Variants in GRM7 observed in about 807,000 individuals in gnomAD.
GRM7 encodes metabotropic glutamate receptor 7.
A neutral mutation model predicts 84.5 loss-of-function variants in GRM7; 35 were observed. That is an observed-to-expected ratio of 0.41 (90% CI 0.32 to 0.55). The LOEUF (loss-of-function observed/expected upper bound fraction) is 0.55. Ranked by LOEUF, GRM7 falls within the 20% of genes least tolerant of loss-of-function variation. The pLI, the probability that GRM7 is intolerant of heterozygous loss-of-function variation, is 0.19. For synonymous variants in GRM7, 487 were observed against 455.1 expected (o/e 1.07, Z -0.89); for missense variants, 1,003 against 1,194.6 (o/e 0.84, Z 2.36).
chr3:7,142,069 T>C (rs141737611), intron 1 of GRM7, among the ~76,000 whole-genome samples: 473 of 152,162 alleles, frequency 3.1e-3, no homozygotes, highest in South Asian at 0.01. Flanking sequence ...TTTTGACTTA[T>C]AATGACAGTG....
At chr3:7,541,337 C>T (rs913449439) in intron 7 of GRM7, among the ~76,000 whole-genome samples, 1 of 152,016 alleles carries the variant, frequency 6.6e-6, no homozygotes. Flanking sequence ...CTAAATTCAA[C>T]TCGGGGCATG....
At chr3:6,958,172 A>T (rs1253946288) in intron 1 of GRM7, among the ~76,000 whole-genome samples, 1 of 151,842 alleles carries the variant, frequency 6.6e-6, no homozygotes, top group African/African-American at 2.4e-5. Flanking sequence ...TTGTGCCCCT[A>T]TGCAATCTTT....
chr3:7,207,568 T>A (rs1293245149), intron 2 of GRM7, among the ~76,000 whole-genome samples: 1 of 152,166 alleles, frequency 6.6e-6, no homozygotes, highest in Non-Finnish European at 1.5e-5. Context: ...TCATCTAACA[T>A]GTAGCTCCTC....
chr3:7,424,700 CA>C (rs1696533496), intron 5 of GRM7, among the ~76,000 whole-genome samples: 1 of 152,130 alleles, frequency 6.6e-6, no homozygotes, highest in Non-Finnish European at 1.5e-5. Context: ...TGCACTGGGC[CA>C]GTTTCTGTGC....
intron 2 of GRM7, among the ~76,000 whole-genome samples, chr3:7,214,114 C>CAA (rs34038958): frequency 7.7e-4 from 98 of 126,606 alleles, no homozygotes; most frequent in East Asian, 6.4e-3. Context: ...ACTAATCAGC[C>CAA]AAAAAAAAAA....
At chr3:7,214,729 G>C (rs569361661) in intron 2 of GRM7, among the ~76,000 whole-genome samples, 1 of 152,128 alleles carries the variant, frequency 6.6e-6, no homozygotes, top group East Asian at 1.9e-4. Context: ...ATGCTGGCAG[G>C]TTTGAAAAAT....
chr3:6,985,393 C>G (rs187526612), intron 1 of GRM7, among the ~76,000 whole-genome samples: 1 of 152,060 alleles, frequency 6.6e-6, no homozygotes, highest in Non-Finnish European at 1.5e-5. Flanking sequence ...TCATTCTACT[C>G]TCTGTATTGA....
intron 1 of GRM7, among the ~76,000 whole-genome samples, chr3:6,969,930 CAG>C (rs1693676172): frequency 6.6e-6 from 1 of 152,288 alleles, no homozygotes; most frequent in Non-Finnish European, 1.5e-5. Context: ...CTGCCACCTT[CAG>C]AGTGTGTAAA....
At chr3:7,736,835 T>C (rs183565886) in intron 9 of GRM7, among the ~76,000 whole-genome samples, 14 of 152,322 alleles carry the variant, frequency 9.2e-5, no homozygotes, top group Non-Finnish European at 1.9e-4. Flanking sequence ...TGTATGTTCT[T>C]ATTCACATAC....
At chr3:6,898,402 C>CAAAAAA (rs58548226) in intron 1 of GRM7, among the ~76,000 whole-genome samples, 4 of 101,838 alleles carry the variant, frequency 3.9e-5, no homozygotes, top group Admixed American at 1.1e-4. Flanking sequence ...GGCACAAAGA[C>CAAAAAA]AAAAAAAAAA....
At chr3:7,516,374 G>C (rs1234579837) in intron 7 of GRM7, among the ~76,000 whole-genome samples, 1 of 149,474 alleles carries the variant, frequency 6.7e-6, no homozygotes, top group African/African-American at 2.5e-5. Context: ...CTACTTGGGG[G>C]GCTGAGGCAG....
intron 2 of GRM7, among the ~76,000 whole-genome samples, chr3:7,200,019 G>T (rs1243202819): frequency 6.6e-6 from 1 of 152,190 alleles, no homozygotes; most frequent in Non-Finnish European, 1.5e-5. Context: ...GTTGGTTCCT[G>T]GTGAGGGCAC....
intron 7 of GRM7, among the ~76,000 whole-genome samples, chr3:7,576,208 T>C (rs1455593079): frequency 6.6e-6 from 1 of 152,242 alleles, no homozygotes; most frequent in Non-Finnish European, 1.5e-5. Context: ...GTTAATGCGA[T>C]CTTTCTCTCT....
intron 1 of GRM7, among the ~76,000 whole-genome samples, chr3:7,055,953 G>A (rs754701657): frequency 2.6e-5 from 4 of 151,994 alleles, no homozygotes; most frequent in Non-Finnish European, 4.4e-5. Flanking sequence ...CACAGGGTTT[G>A]TAGAGGATAT....
intron 1 of GRM7, among the ~76,000 whole-genome samples, chr3:6,999,163 A>C (rs1694926993): frequency 6.6e-6 from 1 of 152,176 alleles, no homozygotes; most frequent in Non-Finnish European, 1.5e-5. Flanking sequence ...TCTCAAGTTC[A>C]AAGTTCCACA....
intron 6 of GRM7, among the ~76,000 whole-genome samples, chr3:7,455,448 A>C (rs1697967462): frequency 1.3e-5 from 2 of 152,132 alleles, no homozygotes; most frequent in African/African-American, 4.8e-5. Context: ...CACGTAAAAG[A>C]GGTAATCAAG....
intron 1 of GRM7, among the ~76,000 whole-genome samples, chr3:6,996,648 C>A (rs1172996141): frequency 2.6e-5 from 4 of 152,128 alleles, no homozygotes; most frequent in East Asian, 3.9e-4. Flanking sequence ...GTAGTGAGAG[C>A]CATCTCAGCC....
chr3:7,064,463 C>CATATATATATATATATATATATAT (rs745409093), intron 1 of GRM7, among the ~76,000 whole-genome samples: 13 of 87,386 alleles, frequency 1.5e-4, no homozygotes, highest in African/African-American at 5.0e-4. Flanking sequence ...GATATATATA[C>CATATATATATATATATATATATAT]ATATATATAT....
chr3:7,410,935 C>T (rs968057362), intron 4 of GRM7, among the ~76,000 whole-genome samples: 2 of 152,066 alleles, frequency 1.3e-5, no homozygotes, highest in African/African-American at 4.8e-5. Flanking sequence ...GCCAGAAATC[C>T]AAAGTCAAGG....
Sources: allele counts gnomAD v4.1 joint callset (sites outside exome capture counted in the v4.1 genomes callset), GRCh38; gene constraint gnomAD v4.1.1; transcripts MANE v1.5; gene names NCBI Gene and HGNC (gene_info 2026-07-23, HGNC 2026-07-21).